The following ZNF382 variants were observed in gnomAD, a reference collection of about 807,000 sequenced individuals.
ZNF382 encodes the protein zinc finger protein 382.
A neutral mutation model predicts 38.8 loss-of-function variants in ZNF382; 20 were observed. That is an observed-to-expected ratio of 0.51 (90% CI 0.36 to 0.75). The LOEUF (loss-of-function observed/expected upper bound fraction) is 0.75. Among genes scored for constraint, ZNF382 ranks in the 30% least tolerant of loss-of-function variants. The pLI is 0.00. For missense variants in ZNF382, 546 were observed against 654.1 expected (o/e 0.83, Z 1.80); for synonymous variants, 202 against 223.1 (o/e 0.91, Z 0.84).
At chr19:36,617,774 A>G (rs992046206) in intron 4 of ZNF382, among the ~76,000 whole-genome samples, 10 of 152,152 alleles carry the variant, frequency 6.6e-5, no homozygotes, top group Non-Finnish European at 1.3e-4. Context: ...AAAGCAGGTC[A>G]TGGTGATCAG....
intron 4 of ZNF382, among the ~76,000 whole-genome samples, chr19:36,619,430 G>A (rs1295404888): frequency 6.6e-6 from 1 of 152,148 alleles, no homozygotes; most frequent in East Asian, 1.9e-4. Flanking sequence ...TCTTCCGGAG[G>A]TCCAGTTTGC....
intron 4 of ZNF382, among the ~76,000 whole-genome samples, chr19:36,614,914 C>CTTTCCTTTCCTTCCCTTCCCGTTTCCCT (rs752527955): frequency 2.2e-5 from 2 of 90,788 alleles, no homozygotes; most frequent in Non-Finnish European, 4.5e-5. Context: ...CTTTCCTTTC[C>CTTTCCTTTCCTTCCCTTCCCGTTTCCCT]TTCCCTTTCC....
At chr19:36,607,910 T>C in intron 2 of ZNF382, 1 of 377,460 alleles carries the variant, frequency 2.6e-6, no homozygotes, top group African/African-American at 2.1e-5. Context: ...ACTTAAGCCT[T>C]CCCCAAGTGT....
intron 4 of ZNF382, among the ~76,000 whole-genome samples, chr19:36,615,313 AATT>A (rs1216178055): frequency 6.6e-6 from 1 of 152,164 alleles, no homozygotes; most frequent in Non-Finnish European, 1.5e-5. Flanking sequence ...TACATATAGT[AATT>A]ATAATTTTAA....
intron 4 of ZNF382, among the ~76,000 whole-genome samples, chr19:36,614,757 C>G (rs2037107424): frequency 6.6e-6 from 1 of 151,998 alleles, no homozygotes; most frequent in Non-Finnish European, 1.5e-5. Context: ...AAAAACCTGT[C>G]TCTACTAAAA....
rs201003876 is a variant in ZNF382, at chr19:36,633,658, TAAAA to T, written c.*6115_*6118del. The T allele has an allele frequency of 2.0e-5, 3 of 148,950 alleles. No individual in the cohort carries two copies. The highest frequency in any genetic ancestry group is 4.5e-5 in the Non-Finnish European group (3 of 66,990). 9.2% of individuals were successfully genotyped at this position (148,950 alleles called of 1,614,324 possible). On this transcript the variant is annotated 3_prime_UTR_variant, in exon 5 of 5. Transcript: ENST00000292928. Reference sequence around the variant, plus strand: ...AGTGTTTGTAAGTATTATTTATAATTAAAAAAAAAACTAGAGACAAGCAAATGTT... The same window carrying T: ...AGTGTTTGTAAGTATTATTTATAATTAAAAAACTAGAGACAAGCAAATGTT...
rs1170083295 is a variant in ZNF382, at chr19:36,626,120, T to A, written c.233-10T>A. On this transcript the variant is annotated splice_polypyrimidine_tract_variant and intron_variant, in intron 4 of 4. Coordinates refer to ENST00000292928, the MANE Select transcript of ZNF382 (RefSeq NM_032825.5). The stretch of plus-strand genomic sequence containing the variant: ...TGAAGACTCACAGTGTTAATGGTAT[T>A]CTTTTCTAGAAGAAGATGGGAAAAC... The A allele has an allele frequency of 2.0e-6, 3 of 1,529,544 alleles. No homozygotes were observed. Among genetic ancestry groups the A allele is most frequent in the Non-Finnish European group, 2.6e-6 (3 of 1,144,892 alleles). 94.7% of individuals were successfully genotyped at this position (1,529,544 alleles called of 1,614,324 possible).
chr19:36,620,860 G>A (rs1200693954), intron 4 of ZNF382, among the ~76,000 whole-genome samples: 1 of 151,916 alleles, frequency 6.6e-6, no homozygotes, highest in Non-Finnish European at 1.5e-5. Context: ...CCGAGTTCAA[G>A]TGATCCTCTC....
At chr19:36,613,379 G>GGT (rs1162486796) in intron 4 of ZNF382, among the ~76,000 whole-genome samples, 1 of 150,322 alleles carries the variant, frequency 6.7e-6, no homozygotes, top group Non-Finnish European at 1.5e-5. Flanking sequence ...CTCTTTTCTA[G>GGT]GTATGGTGAG....
chr19:36,612,385 A>G (rs188467191), intron 4 of ZNF382, among the ~76,000 whole-genome samples: 17 of 152,314 alleles, frequency 1.1e-4, no homozygotes, highest in Admixed American at 1.0e-3. Context: ...TCTAGTTTAG[A>G]CCTATTATGA....
In ZNF382 at chr19:36,627,394, A is replaced by G. The variant is rs138766357; in HGVS notation, c.1497A>G (p.Lys499=). 7 of 1,614,084 alleles carry G rather than the reference A, an allele frequency of 4.3e-6. No individual in the cohort carries two copies. The African/African-American group carries it at 5.3e-5, about 12-fold the overall frequency. The change falls in exon 5 of 5, where the codon AAA becomes AAG. Residue 499 remains lysine, a synonymous_variant. Transcript: ENST00000292928. ...EKSNGCPQCG[K]AFSRKSNLIR... ...CCAATGGGTGTCCTCAGTGTGGGAA[A>G]GCCTTCAGTAGGAAATCAAACCTCA...
intron 4 of ZNF382, among the ~76,000 whole-genome samples, chr19:36,613,021 G>A (rs1463739774): frequency 1.3e-5 from 2 of 152,174 alleles, no homozygotes; most frequent in Admixed American, 6.6e-5. Flanking sequence ...TCAAACTCCT[G>A]ACCTTGTCAT....
intron 4 of ZNF382, among the ~76,000 whole-genome samples, chr19:36,614,201 A>G: frequency 6.6e-6 from 1 of 152,086 alleles, no homozygotes; most frequent in East Asian, 1.9e-4. Flanking sequence ...TTAGCCGGAT[A>G]TGGTGGCACA....
At position 36,634,084 on chromosome 19, in the gene ZNF382, T is replaced by A. The variant is rs1342680345; in HGVS notation, c.*6534T>A. ...TGAATTGTACTGTCTGTAATTTTTT[T>A]AAATAAATAAAAATCCCTAGCTCTG... On this transcript the variant is annotated 3_prime_UTR_variant, in exon 5 of 5. Transcript: ENST00000292928. 6.6e-6 allele frequency: 1 copy of A among 152,154 alleles called. No homozygotes were observed. Among genetic ancestry groups the A allele is most frequent in the Non-Finnish European group, 1.5e-5 (1 of 68,014 alleles). 9.4% of individuals were successfully genotyped at this position (152,154 alleles called of 1,614,324 possible). A position where few individuals can be genotyped will look rare whatever the true frequency, so the allele number is the denominator to read the frequency against.
At chr19:36,624,788 A>G (rs930127175) in intron 4 of ZNF382, among the ~76,000 whole-genome samples, 1 of 152,004 alleles carries the variant, frequency 6.6e-6, no homozygotes, top group African/African-American at 2.4e-5. Flanking sequence ...CAATCAGAAT[A>G]CTACAGTTTC....
At chr19:36,623,013 T>G (rs2037181741) in intron 4 of ZNF382, among the ~76,000 whole-genome samples, 1 of 152,166 alleles carries the variant, frequency 6.6e-6, no homozygotes, top group Non-Finnish European at 1.5e-5. Context: ...ATCTAGTAAT[T>G]TGGTACCTAA....
In ZNF382 at chr19:36,628,578, C is replaced by T. The variant is rs547483586; in HGVS notation, c.*1028C>T. 2 of 152,748 alleles carry T rather than the reference C, an allele frequency of 1.3e-5. No individual in the cohort carries two copies. The highest frequency in any genetic ancestry group is 6.5e-5 in the Admixed American group (1 of 15,282). The allele number at this position is 152,748 out of a possible 1,614,324, so 9.5% of individuals were successfully genotyped here. A position where few individuals can be genotyped will look rare whatever the true frequency, so the allele number is the denominator to read the frequency against. ...AAATCTTCCAGGCAAATGTAATAAA[C>T]GTGACATTGCCGTTAGCCACAGTAA... On this transcript the variant is annotated 3_prime_UTR_variant, in exon 5 of 5. Transcript: ENST00000292928.
Position 36,626,092 on chromosome 19 carries a change from A to G in ZNF382, c.233-38A>G, listed in dbSNP as rs772909879. The G allele has an allele frequency of 4.1e-6, 6 of 1,446,976 alleles. No homozygotes were observed. In the African/African-American group the frequency reaches 7.2e-5, roughly 17 times the overall value. 89.6% of individuals were successfully genotyped at this position (1,446,976 alleles called of 1,614,324 possible). A position where few individuals can be genotyped will look rare whatever the true frequency, so the allele number is the denominator to read the frequency against. On this transcript the variant is annotated intron_variant, in intron 4 of 4. Transcript: ENST00000292928. The stretch of plus-strand genomic sequence containing the variant: ...TATGTATACCCAATCCATAGCATTT[A>G]TGTGAAGACTCACAGTGTTAATGGT...
chr19:36,622,180 C>A (rs1278717148), intron 4 of ZNF382, among the ~76,000 whole-genome samples: 1 of 152,068 alleles, frequency 6.6e-6, no homozygotes, highest in African/African-American at 2.4e-5. Context: ...TGCCACTACA[C>A]CCTGCTGATT....
Sources: gnomAD v4.1 joint callset for allele counts (sites outside exome capture counted in the v4.1 genomes callset) on GRCh38, gnomAD v4.1.1 for gene constraint, MANE v1.5 for transcripts, NCBI Gene and HGNC (gene_info 2026-07-23, HGNC 2026-07-21) for gene names.